Variants in NEMP2 observed in about 807,000 individuals in gnomAD.
NEMP2 encodes the protein nuclear envelope integral membrane protein 2.
A neutral mutation model predicts 54.2 loss-of-function variants in NEMP2; 53 were observed. The ratio of observed to expected loss-of-function variants is 0.98; its 90% confidence interval spans 0.78 to 1.23. NEMP2 has a LOEUF of 1.23. NEMP2 is among the 50% of genes most tolerant of loss of function. The pLI is 0.00. For missense variants in NEMP2, 455 were observed against 511.3 expected (o/e 0.89, Z 1.06); for synonymous variants, 197 against 190.3 (o/e 1.04, Z -0.29).
At chr2:190,646,910 G>GA in the NEMP2 span, 1 of 152,160 alleles carries the variant, frequency 6.6e-6, no homozygotes, top group Non-Finnish European at 1.5e-5. Context: ...CATCTTTACG[G>GA]AAAAAAGTTC....
Position 190,509,526 on chromosome 2 carries a change from AT to A in NEMP2, c.1131-215del, listed in dbSNP as rs1479846026. On this transcript the variant is annotated intron_variant, in intron 8 of 8. Transcript: ENST00000409150. The surrounding 1 kb of genome is among the most constrained non-coding windows in gnomAD (Gnocchi z 6.1). ...GAAAGGGCAGAGAATTAGGGCAGAT[AT>A]ATAAGCACTAAGTAAGCCAAATGTA... Among the ~76,000 whole-genome samples, 4 of 152,352 alleles carry A rather than the reference AT, an allele frequency of 2.6e-5. No individual in the cohort carries two copies. The highest frequency in any genetic ancestry group is 9.6e-5 in the African/African-American group (4 of 41,580).
In NEMP2 at chr2:190,525,360, A is replaced by G. The variant is rs1287636601; in HGVS notation, c.116T>C (p.Leu39Ser). 6 of 1,541,244 alleles carry G rather than the reference A, an allele frequency of 3.9e-6. No individual in the cohort carries two copies. The highest frequency in any genetic ancestry group is 5.3e-6 in the Non-Finnish European group (6 of 1,138,096). The change falls in exon 2 of 9, where the codon TTG (leucine) becomes TCG (serine). Residue 39 changes from leucine to serine, a missense_variant. Leu to Ser is a moderately radical substitution (Grantham distance 145). Transcript: ENST00000409150. The surrounding 1 kb of genome is among the most constrained non-coding windows in gnomAD (Gnocchi z 5.0). Reference sequence around the variant, plus strand: ...CGTTCTAATTAAATCTTTTTCCTTCAAAGCTTTACACCTACGAACTGAGAG... The same window carrying G: ...CGTTCTAATTAAATCTTTTTCCTTCGAAGCTTTACACCTACGAACTGAGAG... The part of the protein sequence containing the change: ...AALSVRRCKA[L>S]KEKDLIRTSE...
chr2:190,429,954 G>A, the NEMP2 span, among the ~76,000 whole-genome samples: 3 of 151,670 alleles, frequency 2.0e-5, no homozygotes, highest in Non-Finnish European at 1.5e-5. Context: ...CCATTAACTC[G>A]TCATTTACAT....
the NEMP2 span, among the ~76,000 whole-genome samples, chr2:190,599,085 A>T: frequency 6.6e-6 from 1 of 152,192 alleles, no homozygotes; most frequent in South Asian, 2.1e-4. Flanking sequence ...ATAAAATCAG[A>T]TGTGTTTCTT....
chr2:190,554,361 T>G, the NEMP2 span, among the ~76,000 whole-genome samples: 2 of 152,214 alleles, frequency 1.3e-5, no homozygotes, highest in East Asian at 3.8e-4. This position sits in a 1 kb window ranked among gnomAD's most constrained non-coding sequence, Gnocchi z 5.7. Context: ...GGTCTGGCTC[T>G]GCAGGTCCCA....
At chr2:190,474,990 G>A in the NEMP2 span, among the ~76,000 whole-genome samples, 1 of 152,170 alleles carries the variant, frequency 6.6e-6, no homozygotes, top group African/African-American at 2.4e-5. Context: ...AATAGATGCA[G>A]AAAAGCCTTT....
At chr2:190,638,815 G>A in the NEMP2 span, among the ~76,000 whole-genome samples, 3 of 152,218 alleles carry the variant, frequency 2.0e-5, no homozygotes, top group South Asian at 6.2e-4. This position sits in a 1 kb window ranked among gnomAD's most constrained non-coding sequence, Gnocchi z 5.7. Context: ...AGTGGGCTCT[G>A]CTCTCCTCCC....
At chr2:190,602,278 C>G in the NEMP2 span, among the ~76,000 whole-genome samples, 1 of 152,146 alleles carries the variant, frequency 6.6e-6, no homozygotes, top group Non-Finnish European at 1.5e-5. Flanking sequence ...TAAGAGTTAA[C>G]GTTACAGTCA....
the NEMP2 span, among the ~76,000 whole-genome samples, chr2:190,593,763 G>C: frequency 6.6e-6 from 1 of 152,104 alleles, no homozygotes; most frequent in Non-Finnish European, 1.5e-5. The surrounding 1 kb of genome is among the most constrained non-coding windows in gnomAD (Gnocchi z 4.5). Flanking sequence ...CCCCACCCTT[G>C]CTTTTTTGTT....
At chr2:190,488,418 TTTG>T in the NEMP2 span, among the ~76,000 whole-genome samples, 19 of 152,178 alleles carry the variant, frequency 1.2e-4, no homozygotes, top group Non-Finnish European at 1.8e-4. This position sits in a 1 kb window ranked among gnomAD's most constrained non-coding sequence, Gnocchi z 6.4. Flanking sequence ...GTACAGAATT[TTTG>T]TTGTGGTGGT....
chr2:190,446,079 A>G, the NEMP2 span, among the ~76,000 whole-genome samples: 2 of 152,176 alleles, frequency 1.3e-5, no homozygotes, highest in African/African-American at 4.8e-5. Flanking sequence ...AGCTTAAAAA[A>G]TCCTACCCAA....
At chr2:190,560,016 T>C in the NEMP2 span, among the ~76,000 whole-genome samples, 6 of 152,198 alleles carry the variant, frequency 3.9e-5, no homozygotes, top group Admixed American at 1.3e-4. This position sits in a 1 kb window ranked among gnomAD's most constrained non-coding sequence, Gnocchi z 5.4. Context: ...TGCACAGGGA[T>C]TTAGGCTGGT....
chr2:190,432,816 A>T, the NEMP2 span, among the ~76,000 whole-genome samples: 87 of 77,756 alleles, frequency 1.1e-3, no homozygotes, highest in Admixed American at 1.6e-3. Flanking sequence ...AACCCCTGCC[A>T]CCCCCGCCCC....
the NEMP2 span, among the ~76,000 whole-genome samples, chr2:190,639,644 T>TG: frequency 5.9e-5 from 9 of 151,956 alleles, no homozygotes; most frequent in East Asian, 1.9e-4. Flanking sequence ...GAGTTTTTTT[T>TG]TTTTGTTTTT....
At chr2:190,517,716 C>G (rs575751945) in intron 4 of NEMP2, 103 bp from the exon 5 acceptor site, 12 of 788,996 alleles carry the variant, frequency 1.5e-5, no homozygotes, top group East Asian at 1.4e-4. Flanking sequence ...ACACTAAGAA[C>G]AGAAAACTCA....
At chr2:190,438,794 T>G in the NEMP2 span, among the ~76,000 whole-genome samples, 15 of 152,360 alleles carry the variant, frequency 9.8e-5, no homozygotes, top group Middle Eastern at 3.4e-3. The surrounding 1 kb of genome is among the most constrained non-coding windows in gnomAD (Gnocchi z 5.2). Context: ...TGACAAGATT[T>G]GACAATCCTT....
chr2:190,474,751 C>G, the NEMP2 span, among the ~76,000 whole-genome samples: 4 of 152,048 alleles, frequency 2.6e-5, no homozygotes, highest in African/African-American at 2.4e-5. Flanking sequence ...AAGCCTGGCA[C>G]AGACACAACC....
chr2:190,620,120 C>T, the NEMP2 span, among the ~76,000 whole-genome samples: 37 of 152,304 alleles, frequency 2.4e-4, no homozygotes, highest in African/African-American at 7.9e-4. This position sits in a 1 kb window ranked among gnomAD's most constrained non-coding sequence, Gnocchi z 4.9. Context: ...ACTAAGCTCT[C>T]AGTTGGATGT....
At chr2:190,562,808 G>C in the NEMP2 span, among the ~76,000 whole-genome samples, 1 of 152,046 alleles carries the variant, frequency 6.6e-6, no homozygotes, top group Non-Finnish European at 1.5e-5. The surrounding 1 kb of genome is among the most constrained non-coding windows in gnomAD (Gnocchi z 5.0). Flanking sequence ...TTTCTTCCTA[G>C]GGTCTTAAGG....
Sources: allele counts gnomAD v4.1 joint callset (sites outside exome capture counted in the v4.1 genomes callset), GRCh38; gene constraint gnomAD v4.1.1; non-coding constraint Gnocchi (gnomAD v3.1); transcripts MANE v1.5; gene names NCBI Gene and HGNC (gene_info 2026-07-23, HGNC 2026-07-21).